The following TP73 variants were observed in gnomAD, a reference collection of about 807,000 sequenced individuals.
TP73 encodes p53-like transcription factor.
TP73 carries 25 observed loss-of-function variants against 62.5 expected under a neutral mutation model. The observed-to-expected ratio is 0.40, with a 90% CI of 0.29 to 0.56. The LOEUF (loss-of-function observed/expected upper bound fraction) is 0.56, where lower values mean the gene tolerates loss of function less well. Ranked by LOEUF, TP73 falls within the 20% of genes least tolerant of loss-of-function variation. The pLI is 0.46. For missense variants in TP73, 754 were observed against 913.3 expected (o/e 0.83, Z 2.25); for synonymous variants, 423 against 377.5 (o/e 1.12, Z -1.40).
intron 7 of TP73, 52 bp downstream of exon 7, chr1:3,727,276 C>T (rs1195881951): frequency 3.2e-6 from 5 of 1,540,182 alleles, no homozygotes; most frequent in Non-Finnish European, 4.5e-6. Flanking sequence ...GCAGGCACGG[C>T]CGGGGGAGAA....
rs1375258927 is a variant in TP73 at position 3,666,772 on chromosome 1, G to A, written c.-34+14131G>A. The stretch of plus-strand genomic sequence containing the variant: ...TGGGGATGGTGCTCTGAGCAGACGC[G>A]ACTCAGTGCCATGCGGGCGTCTCTC... On this transcript the variant is annotated intron_variant, in intron 1 of 13. Transcript: ENST00000378295. The surrounding 1 kb of genome is among the most constrained non-coding windows in gnomAD (Gnocchi z 6.4). Among the ~76,000 whole-genome samples, 5 of 152,168 alleles carry A rather than the reference G, an allele frequency of 3.3e-5. No homozygotes were observed. Among genetic ancestry groups the A allele is most frequent in the African/African-American group, 4.8e-5 (2 of 41,426 alleles).
chr1:3,727,901 T>A (rs1210239361), intron 8 of TP73, 131 bp downstream of exon 8: 2 of 1,352,084 alleles, frequency 1.5e-6, no homozygotes, highest in Non-Finnish European at 2.0e-6. Flanking sequence ...GACTCCTCCC[T>A]GACGGAGCCT....
intron 1 of TP73, among the ~76,000 whole-genome samples, chr1:3,658,553 A>G (rs1442847198): frequency 6.6e-6 from 1 of 152,200 alleles, no homozygotes; most frequent in Non-Finnish European, 1.5e-5. Flanking sequence ...TGCAGCTATC[A>G]GTCTCATGGT....
At chr1:3,653,335 C>A (rs150150687) in intron 1 of TP73, among the ~76,000 whole-genome samples, 2 of 152,248 alleles carry the variant, frequency 1.3e-5, no homozygotes, top group Non-Finnish European at 2.9e-5. Context: ...AGACACCTCA[C>A]GCCCCCTTAG....
At chr1:3,729,946 G>A (rs1641997139) in intron 10 of TP73, 54 bp from the exon 11 acceptor site, 1 of 1,528,864 alleles carries the variant, frequency 6.5e-7, no homozygotes, top group South Asian at 1.3e-5. Context: ...TGGGTGGTCG[G>A]TGGGCACGAG....
In TP73 at chr1:3,695,183, G is replaced by A. The variant is rs117923725; in HGVS notation, c.186+12003G>A. Among the ~76,000 whole-genome samples the A allele has an allele frequency of 7.7e-4, 118 of 152,378 alleles. 1 individual carries two copies. The East Asian group carries it at 0.019, about 24-fold the overall frequency. On this transcript the variant is annotated intron_variant, in intron 3 of 13. Transcript: ENST00000378295. ...TTCTGCCTGTAGCAAGGAAGGAGCCGATGGCTGGATGAGTGGGGCCCCTCT... is the reference window on the plus strand; with the variant it reads ...TTCTGCCTGTAGCAAGGAAGGAGCCAATGGCTGGATGAGTGGGGCCCCTCT...
In TP73 at chr1:3,730,921, A is replaced by T; in HGVS notation, c.1346-6A>T. The T allele has an allele frequency of 6.3e-7, 1 of 1,596,690 alleles. No homozygotes were observed. The stretch of plus-strand genomic sequence containing the variant: ...GCCCTGATGGCCCCACCTGCCTCTC[A>T]CCCAGGCCCCGGGATGCTCAACAAC... On this transcript the variant is annotated splice_polypyrimidine_tract_variant and splice_region_variant and intron_variant, in intron 11 of 13. Coordinates refer to ENST00000378295, the MANE Select transcript of TP73 (RefSeq NM_005427.4).
intron 6 of TP73, 87 bp from the exon 7 acceptor site, chr1:3,727,028 G>T: frequency 8.7e-7 from 1 of 1,150,584 alleles, no homozygotes. Context: ...GTGGAGCCAG[G>T]ACCAGACATG....
chr1:3,727,237 C>T lies in TP73; in HGVS notation c.842+13C>T. 6.2e-7 allele frequency: 1 copy of T among 1,608,458 alleles called. No homozygotes were observed. The highest frequency in any genetic ancestry group is 8.5e-7 in the Non-Finnish European group (1 of 1,176,878). On this transcript the variant is annotated intron_variant, in intron 7 of 13. Coordinates refer to ENST00000378295, the MANE Select transcript of TP73 (RefSeq NM_005427.4). ...TGGAGATGCGGGAGTGAGTCCCGGG[C>T]ACACGGGGTGGAGGTGGGACAGGGC...
Position 3,670,766 on chromosome 1 carries a change from C to CA in TP73, c.-33-11566dup, listed in dbSNP as rs1645222279. On this transcript the variant is annotated intron_variant, in intron 1 of 13. Transcript: ENST00000378295. The surrounding 1 kb of genome is among the most constrained non-coding windows in gnomAD (Gnocchi z 5.9). ...AATTTAACCCCAAATGGTGCTTCTC[C>CA]AGCAGTCACTCTGTTCCTGTCCTGA... Among the ~76,000 whole-genome samples the CA allele has an allele frequency of 6.6e-6, 1 of 152,234 alleles. No individual in the cohort carries two copies. The highest frequency in any genetic ancestry group is 1.5e-5 in the Non-Finnish European group (1 of 68,046).
At position 3,711,334 on chromosome 1, in the gene TP73, G is replaced by A. The variant is rs557869602; in HGVS notation, c.429+3543G>A. On this transcript the variant is annotated intron_variant, in intron 4 of 13. Transcript: ENST00000378295. ...GAGTGTGGGCAGAGCTCTCTGCAGG[G>A]CATGCATGACCTGGCCTCTGAGCCC... Among the ~76,000 whole-genome samples the A allele has an allele frequency of 2.0e-5, 3 of 152,380 alleles. No homozygotes were observed. The South Asian group carries it at 6.2e-4, about 32-fold the overall frequency.
chr1:3,654,525 C>A (rs1022225314), intron 1 of TP73, among the ~76,000 whole-genome samples: 1 of 152,212 alleles, frequency 6.6e-6, no homozygotes, highest in Non-Finnish European at 1.5e-5. Context: ...CTCAGGTTAC[C>A]CATCTGCAGA....
intron 3 of TP73, among the ~76,000 whole-genome samples, chr1:3,695,504 G>A (rs984734676): frequency 3.9e-5 from 6 of 152,336 alleles, no homozygotes; most frequent in African/African-American, 9.6e-5. Flanking sequence ...GCATCCATGC[G>A]TTGCGGGAAC....
intron 3 of TP73, among the ~76,000 whole-genome samples, chr1:3,691,529 C>G (rs368644096): frequency 6.6e-6 from 1 of 152,106 alleles, no homozygotes; most frequent in Non-Finnish European, 1.5e-5. Context: ...TTGCGCCACC[C>G]GCCCCCTGCA....
At chr1:3,692,621 T>A (rs982838051) in intron 3 of TP73, among the ~76,000 whole-genome samples, 1 of 152,152 alleles carries the variant, frequency 6.6e-6, no homozygotes, top group Non-Finnish European at 1.5e-5. Context: ...TGGGAGGGGC[T>A]ATCTCCCGGC....
intron 4 of TP73, among the ~76,000 whole-genome samples, chr1:3,721,205 G>A (rs1641040488): frequency 6.6e-6 from 1 of 152,242 alleles, no homozygotes; most frequent in African/African-American, 2.4e-5. Flanking sequence ...TGGGCAGCCG[G>A]GCCCTGTGAG....
chr1:3,689,278 C>T (rs1245506611), intron 3 of TP73, among the ~76,000 whole-genome samples: 1 of 152,226 alleles, frequency 6.6e-6, no homozygotes, highest in Non-Finnish European at 1.5e-5. Flanking sequence ...CAGAGACGCC[C>T]TTCCTGAACC....
intron 2 of TP73, 146 bp from the exon 3 acceptor site, chr1:3,682,914 A>G (rs1645558539): frequency 1.8e-6 from 2 of 1,113,538 alleles, no homozygotes; most frequent in African/African-American, 1.6e-5. Context: ...GGTGGAGGAC[A>G]GAGATGGGAT....
chr1:3,713,610 C>T (rs1640344372), intron 4 of TP73, among the ~76,000 whole-genome samples: 2 of 152,152 alleles, frequency 1.3e-5, no homozygotes, highest in South Asian at 2.1e-4. Flanking sequence ...GTTGAAGCCA[C>T]GGACCCTGGA....
Sources: allele counts gnomAD v4.1 joint callset (sites outside exome capture counted in the v4.1 genomes callset), GRCh38; gene constraint gnomAD v4.1.1; non-coding constraint Gnocchi (gnomAD v3.1); transcripts MANE v1.5; gene names NCBI Gene and HGNC (gene_info 2026-07-23, HGNC 2026-07-21).